The following FBXO30 variants were observed in gnomAD, a reference collection of about 807,000 sequenced individuals.
The protein encoded by FBXO30 is F-box protein 30.
FBXO30 carries 21 observed loss-of-function variants against 58.1 expected under a neutral mutation model. The observed-to-expected ratio is 0.36, with a 90% CI of 0.26 to 0.52. The LOEUF is 0.52. Ranked by LOEUF, FBXO30 falls within the 20% of genes least tolerant of loss-of-function variation. The pLI is 0.93. For missense variants in FBXO30, 744 were observed against 897.3 expected, an observed-to-expected ratio of 0.83 and a Z score of 2.18; for synonymous variants, 309 against 312.4, an observed-to-expected ratio of 0.99 and a Z score of 0.11.
intron 1 of FBXO30, among the ~76,000 whole-genome samples, chr6:145,811,718 TG>T (rs1332481552): frequency 6.6e-6 from 1 of 152,250 alleles, no homozygotes; most frequent in Non-Finnish European, 1.5e-5. Flanking sequence ...ACAATTAACA[TG>T]GTATTAGATA....
Position 145,800,218 on chromosome 6 carries a change from T to A in FBXO30, c.2126A>T (p.Tyr709Phe). The change falls in exon 3 of 3, where the codon TAC becomes TTC. Residue 709 changes from tyrosine (Y) to phenylalanine (F), a missense_variant. Transcript: ENST00000237281. ...SMADHLKKCSYNVVEKREEAI... is the reference protein window; with the variant it reads ...SMADHLKKCSFNVVEKREEAI... ...TTCCTCCCGTTTCTCGACAACATTGTAACTGCATTTCTTCAAGTGGTCTGC... is the reference window on the plus strand; with the variant it reads ...TTCCTCCCGTTTCTCGACAACATTGAAACTGCATTTCTTCAAGTGGTCTGC... The A allele has an allele frequency of 6.2e-7, 1 of 1,613,122 alleles. No individual in the cohort carries two copies. The highest frequency in any genetic ancestry group is 1.1e-5 in the South Asian group (1 of 91,066).
At chr6:145,810,396 T>C (rs1438859502) in intron 1 of FBXO30, among the ~76,000 whole-genome samples, 1 of 152,208 alleles carries the variant, frequency 6.6e-6, no homozygotes, top group Non-Finnish European at 1.5e-5. Context: ...TTGCAATTGC[T>C]TGTAAATCCT....
rs769819787 is a variant in FBXO30 at position 145,805,094 on chromosome 6, G to C, written c.1312C>G (p.Pro438Ala). ...CTATCAGATATACCCCTCCCTCCTG[G>C]AGAATCTCCTAGACAAAAAAGCAAT... The part of the protein sequence containing the change: ...AALLFCLGDS[P>A]GGRGISDSRM... The change falls in exon 2 of 3, where the codon CCA becomes GCA. Residue 438 changes from proline (P) to alanine (A), a missense_variant. Coordinates refer to ENST00000237281, the MANE Select transcript of FBXO30 (RefSeq NM_032145.5). 2 of 1,614,004 alleles carry C rather than the reference G, an allele frequency of 1.2e-6. No individual in the cohort carries two copies. Among genetic ancestry groups the C allele is most frequent in the Non-Finnish European group, 1.7e-6 (2 of 1,179,952 alleles).
In FBXO30 at chr6:145,800,302, C is replaced by T. The variant is rs138288045; in HGVS notation, c.2042G>A (p.Arg681Gln). 8.7e-6 allele frequency: 14 copies of T among 1,611,652 alleles called. No homozygotes were observed. The African/African-American group carries it at 9.3e-5, about 11-fold the overall frequency. Residue 681 changes from arginine (R) to glutamine (Q), a missense_variant, in exon 3 of 3, where the codon CGA becomes CAA. This residue lies in a region of FBXO30 where 334 missense variants were observed against 433.7 expected (regional missense o/e 0.77). Coordinates refer to ENST00000237281, the MANE Select transcript of FBXO30 (RefSeq NM_032145.5). ...SSWQIKEKVW[R>Q]FSTAFCSVNE... ...AACAGAACAAAATGCAGTACTAAAT[C>T]GCCATACCTACAAGAAAATTCTACT... is the stretch of plus-strand genomic sequence containing the variant.
intron 2 of FBXO30, among the ~76,000 whole-genome samples, chr6:145,802,853 A>G (rs1385731812): frequency 6.6e-6 from 1 of 152,056 alleles, no homozygotes; most frequent in Admixed American, 6.6e-5. Context: ...TCAGGACTTC[A>G]TGATTATCTG....
In FBXO30 at chr6:145,795,895, G is replaced by C. The variant is rs1283871040; in HGVS notation, c.*4211C>G. 1 of 151,836 alleles carries C rather than the reference G, an allele frequency of 6.6e-6. No homozygotes were observed. The highest frequency in any genetic ancestry group is 1.5e-5 in the Non-Finnish European group (1 of 67,806). 9.4% of individuals were successfully genotyped at this position (151,836 alleles called of 1,614,324 possible). A position where few individuals can be genotyped will look rare whatever the true frequency, so the allele number is the denominator to read the frequency against. On this transcript the variant is annotated 3_prime_UTR_variant, in exon 3 of 3. Coordinates refer to ENST00000237281, the MANE Select transcript of FBXO30 (RefSeq NM_032145.5). The stretch of plus-strand genomic sequence containing the variant: ...AACCTACTTGTAAAATTCAGCAAGA[G>C]GCCCTCATTTCGCAAAGATTTTCAG...
chr6:145,805,050 AT>A lies in FBXO30; in HGVS notation c.1355del (p.Tyr452PhefsTer17), dbSNP rs760083960. On this transcript the variant is annotated frameshift_variant, in exon 2 of 3. Coordinates refer to ENST00000237281, the MANE Select transcript of FBXO30 (RefSeq NM_032145.5). LOFTEE classifies it high-confidence loss of function. ...GISDSRMADIYHIDVGTQTFS... is the reference protein window; with the variant it reads ...GISDSRMADIXHIDVGTQTFS... ...AAGTCTGAGTCCCAACGTCAATGTG[AT>A]AAATATCAGCCATGCGGCTATCAGA... The A allele has an allele frequency of 6.2e-7, 1 of 1,614,040 alleles. No homozygotes were observed. The highest frequency in any genetic ancestry group is 8.5e-7 in the Non-Finnish European group (1 of 1,179,934).
At chr6:145,802,983 G>C (rs1030789203) in intron 2 of FBXO30, among the ~76,000 whole-genome samples, 4 of 152,128 alleles carry the variant, frequency 2.6e-5, no homozygotes, top group African/African-American at 9.7e-5. Context: ...GAGTAGGTTG[G>C]ATATGTTGAG....
chr6:145,812,690 T>G (rs73784320), intron 1 of FBXO30, among the ~76,000 whole-genome samples: 24 of 152,296 alleles, frequency 1.6e-4, no homozygotes, highest in African/African-American at 5.5e-4. Context: ...AGATCATTAA[T>G]TAAATGCAAT....
chr6:145,813,428 G>A (rs1045981967), intron 1 of FBXO30, among the ~76,000 whole-genome samples: 1 of 152,100 alleles, frequency 6.6e-6, no homozygotes, highest in Non-Finnish European at 1.5e-5. Flanking sequence ...AAACTTTTGT[G>A]ATGAGAAACA....
Position 145,799,581 on chromosome 6 carries a change from G to A in FBXO30, c.*525C>T, listed in dbSNP as rs1170527877. ...TACCAAACTTTATGATTTTACGTAT[G>A]TAAGTATATATTAGAGATCATTTGT... On this transcript the variant is annotated 3_prime_UTR_variant, in exon 3 of 3. Coordinates refer to ENST00000237281, the MANE Select transcript of FBXO30 (RefSeq NM_032145.5). 6.6e-6 allele frequency: 1 copy of A among 152,566 alleles called. No homozygotes were observed. Among genetic ancestry groups the A allele is most frequent in the African/African-American group, 2.4e-5 (1 of 41,412 alleles). 9.5% of individuals were successfully genotyped at this position (152,566 alleles called of 1,614,324 possible).
rs1457082273 is a variant in FBXO30, at chr6:145,799,215, A to G, written c.*891T>C. 1 of 152,596 alleles carries G rather than the reference A, an allele frequency of 6.6e-6. No individual in the cohort carries two copies. Among genetic ancestry groups the G allele is most frequent in the East Asian group, 1.9e-4 (1 of 5,184 alleles). 9.5% of individuals were successfully genotyped at this position (152,596 alleles called of 1,614,324 possible). A position where few individuals can be genotyped will look rare whatever the true frequency, so the allele number is the denominator to read the frequency against. ...AAAACAACATAGTTGTAATGTTTATAAACATCAAAGGCAAACATTTAATAG... is the reference window on the plus strand; with the variant it reads ...AAAACAACATAGTTGTAATGTTTATGAACATCAAAGGCAAACATTTAATAG... On this transcript the variant is annotated 3_prime_UTR_variant, in exon 3 of 3. Coordinates refer to ENST00000237281, the MANE Select transcript of FBXO30 (RefSeq NM_032145.5).
At chr6:145,813,523 GCTA>G (rs1231098873) in intron 1 of FBXO30, among the ~76,000 whole-genome samples, 34 of 152,170 alleles carry the variant, frequency 2.2e-4, no homozygotes, top group African/African-American at 8.2e-4. Context: ...TTTATTTTAT[GCTA>G]CTCTTTTCCT....
rs930943973 is a variant in FBXO30, at chr6:145,795,038, T to C, written c.*5068A>G. 4 of 151,762 alleles carry C rather than the reference T, an allele frequency of 2.6e-5. No homozygotes were observed. Among genetic ancestry groups the C allele is most frequent in the Non-Finnish European group, 5.9e-5 (4 of 67,748 alleles). The allele number at this position is 151,762 out of a possible 1,614,324, so 9.4% of individuals were successfully genotyped here. On this transcript the variant is annotated 3_prime_UTR_variant, in exon 3 of 3. Coordinates refer to ENST00000237281, the MANE Select transcript of FBXO30 (RefSeq NM_032145.5). Reference sequence around the variant, plus strand: ...CTTTTGAATATTAACAAATTGTTACTGTTCTTATGTCATCAGACTTTAAAA... The same window carrying C: ...CTTTTGAATATTAACAAATTGTTACCGTTCTTATGTCATCAGACTTTAAAA...
rs1246363656 is a variant in FBXO30, at chr6:145,795,159, AATAG to A, written c.*4943_*4946del. The stretch of plus-strand genomic sequence containing the variant: ...CAGTCTCTCTGTCAAAGAATAAACA[AATAG>A]ATCAACCTATTTGCCTCACATCTGA... On this transcript the variant is annotated 3_prime_UTR_variant, in exon 3 of 3. Transcript: ENST00000237281. 1.3e-5 allele frequency: 2 copies of A among 151,922 alleles called. No homozygotes were observed. Among genetic ancestry groups the A allele is most frequent in the Admixed American group, 6.6e-5 (1 of 15,234 alleles). 9.4% of individuals were successfully genotyped at this position (151,922 alleles called of 1,614,324 possible).
intron 2 of FBXO30, 123 bp downstream of exon 2, chr6:145,804,249 C>G: frequency 1.2e-6 from 1 of 813,194 alleles, no homozygotes; most frequent in Non-Finnish European, 1.9e-6. Context: ...AGTCTGTCAT[C>G]ACACTGATTT....
In FBXO30 at chr6:145,794,111, A is replaced by T. The variant is rs775235402; in HGVS notation, c.*5995T>A. On this transcript the variant is annotated 3_prime_UTR_variant, in exon 3 of 3. Transcript: ENST00000237281. ...CAATCCAAAAGAAAACCCCATACCCATGAAGCAGTCACTCCCATTCCCCCA... is the reference window on the plus strand; with the variant it reads ...CAATCCAAAAGAAAACCCCATACCCTTGAAGCAGTCACTCCCATTCCCCCA... The T allele has an allele frequency of 1.2e-4, 19 of 152,094 alleles. No individual in the cohort carries two copies. Among genetic ancestry groups the T allele is most frequent in the African/African-American group, 4.6e-4 (19 of 41,544 alleles). The allele number at this position is 152,094 out of a possible 1,614,324, so 9.4% of individuals were successfully genotyped here.
In FBXO30 at chr6:145,805,577, A is replaced by C. The variant is rs145626296; in HGVS notation, c.829T>G (p.Ser277Ala). Residue 277 changes from serine (S) to alanine (A), a missense_variant, in exon 2 of 3, where the codon TCT (serine) becomes GCT (alanine). Physicochemically the swap from Ser to Ala is moderately conservative, Grantham distance 99. Transcript: ENST00000237281. ...TTACAAAGAGCAGAAGTGTCATAAG[A>C]ACTTGTATTCAAGTCACATAATAAA... Reference protein sequence around the residue: ...SDLLCDLNTSSYDTSALCNGF... With the variant: ...SDLLCDLNTSAYDTSALCNGF... The C allele has an allele frequency of 1.7e-5, 27 of 1,613,384 alleles. No individual in the cohort carries two copies. In the African/African-American group the frequency reaches 3.6e-4, roughly 22 times the overall value.
chr6:145,808,581 A>G (rs1349066271), intron 1 of FBXO30, among the ~76,000 whole-genome samples: 1 of 152,078 alleles, frequency 6.6e-6, no homozygotes, highest in Non-Finnish European at 1.5e-5. Flanking sequence ...CATTTTCTCC[A>G]AAAGTTTCAA....
Sources: gnomAD v4.1 joint callset for allele counts (sites outside exome capture counted in the v4.1 genomes callset) on GRCh38, gnomAD v4.1.1 for gene constraint, gnomAD v4.1.1 regional missense constraint, MANE v1.5 for transcripts, NCBI Gene and HGNC (gene_info 2026-07-23, HGNC 2026-07-21) for gene names.